The following LRIG1 variants were observed in gnomAD, a reference collection of about 807,000 sequenced individuals.
LRIG1 encodes the protein leucine rich repeats and immunoglobulin like domains 1.
Under a neutral mutation model 99.2 loss-of-function variants are expected in LRIG1, and 48 were observed. The observed-to-expected ratio is 0.48, with a 90% confidence interval of 0.38 to 0.62. The LOEUF is 0.62. Ranked by LOEUF, LRIG1 falls within the 20% of genes least tolerant of loss-of-function variation. LRIG1 has a pLI of 0.00. For synonymous variants in LRIG1, 772 were observed against 596.1 expected, an observed-to-expected ratio of 1.29 and a Z score of -4.30; for missense variants, 1,646 against 1,434.4, an observed-to-expected ratio of 1.15 and a Z score of -2.38.
chr3:66,418,195 G>T (rs770264348), intron 3 of LRIG1, among the ~76,000 whole-genome samples: 1 of 152,056 alleles, frequency 6.6e-6, no homozygotes, highest in African/African-American at 2.4e-5. Context: ...GGGTTCAAGC[G>T]ATTCTTCTGC....
chr3:66,461,002 A>G (rs1700342876), intron 2 of LRIG1, among the ~76,000 whole-genome samples: 1 of 152,252 alleles, frequency 6.6e-6, no homozygotes, highest in Admixed American at 6.5e-5. Context: ...TATGTCATCA[A>G]TAATGGAATC....
chr3:66,452,030 GA>G (rs1703921426), intron 2 of LRIG1, among the ~76,000 whole-genome samples: 1 of 152,180 alleles, frequency 6.6e-6, no homozygotes, highest in African/African-American at 2.4e-5. Flanking sequence ...AACATGTGTG[GA>G]ACAAGAGCCA....
chr3:66,453,529 A>T (rs766170355), intron 2 of LRIG1, among the ~76,000 whole-genome samples: 9 of 152,152 alleles, frequency 5.9e-5, no homozygotes, highest in Non-Finnish European at 1.0e-4. Context: ...CTATTTCTTT[A>T]TTTCAGCAAA....
At chr3:66,383,439 G>A (rs774851516) in intron 14 of LRIG1, 38 bp from the exon 15 acceptor site, 2 of 1,498,184 alleles carry the variant, frequency 1.3e-6, no homozygotes, top group Non-Finnish European at 1.8e-6. Flanking sequence ...CATTCTCAGG[G>A]CCTCCGTTGC....
chr3:66,413,258 G>A (rs771732294), intron 5 of LRIG1, among the ~76,000 whole-genome samples: 1 of 152,208 alleles, frequency 6.6e-6, no homozygotes, highest in African/African-American at 2.4e-5. Flanking sequence ...TCCACAGCCA[G>A]CTCCGAGGCT....
At chr3:66,424,164 G>A (rs1702904221) in intron 3 of LRIG1, among the ~76,000 whole-genome samples, 1 of 152,112 alleles carries the variant, frequency 6.6e-6, no homozygotes, top group Non-Finnish European at 1.5e-5. Context: ...GCAAATCCCA[G>A]ACTGCAACTT....
intron 3 of LRIG1, among the ~76,000 whole-genome samples, chr3:66,436,414 AGAT>A (rs1703359031): frequency 6.6e-6 from 1 of 152,276 alleles, no homozygotes; most frequent in South Asian, 2.1e-4. Flanking sequence ...GGCTTAGGAG[AGAT>A]GATAACAACA....
intron 9 of LRIG1, among the ~76,000 whole-genome samples, chr3:66,402,984 C>A (rs1002826357): frequency 6.6e-6 from 1 of 152,190 alleles, no homozygotes; most frequent in Admixed American, 6.5e-5. Flanking sequence ...CCAAACACAG[C>A]AGTTTTTACA....
chr3:66,386,320 A>G lies in LRIG1; in HGVS notation c.1469-19T>C, dbSNP rs1701372195. The G allele has an allele frequency of 4.4e-6, 7 of 1,607,404 alleles. 1 individual carries two copies. Among genetic ancestry groups the G allele is most frequent in the Middle Eastern group, 3.4e-4 (2 of 5,814 alleles). On this transcript the variant is annotated intron_variant, in intron 12 of 18. Coordinates refer to ENST00000273261, the MANE Select transcript of LRIG1 (RefSeq NM_015541.3). ...AAGTCATCTGGGGAGAGAAGGGTCA[A>G]CTGTAAAGCGCTGGGTTCTTGGTAC... is the stretch of plus-strand genomic sequence containing the variant.
intron 3 of LRIG1, among the ~76,000 whole-genome samples, chr3:66,427,597 C>T (rs895038209): frequency 1.3e-5 from 2 of 152,146 alleles, no homozygotes; most frequent in African/African-American, 4.8e-5. Context: ...GCCAGGAGTT[C>T]GAGACCAGCC....
At chr3:66,493,974 AAG>A (rs1320261255) in intron 1 of LRIG1, among the ~76,000 whole-genome samples, 3 of 148,216 alleles carry the variant, frequency 2.0e-5, no homozygotes, top group African/African-American at 4.9e-5. Context: ...AAAGAAAAGA[AAG>A]AGAAAAAGAG....
chr3:66,404,197 A>G (rs1019641035), intron 9 of LRIG1: 2 of 1,261,458 alleles, frequency 1.6e-6, no homozygotes, highest in African/African-American at 3.1e-5. Context: ...TTTCAAAACA[A>G]ATCAGAAGCA....
chr3:66,480,556 C>T (rs1206947537), intron 1 of LRIG1, among the ~76,000 whole-genome samples: 3 of 151,870 alleles, frequency 2.0e-5, no homozygotes, highest in African/African-American at 7.3e-5. Flanking sequence ...TTCCATACCA[C>T]AGAAATGCAG....
Position 66,415,019 on chromosome 3 carries a change from A to G in LRIG1, c.548T>C (p.Phe183Ser). The change falls in exon 5 of 19, where the codon TTT (phenylalanine) becomes TCT (serine). Residue 183 changes from phenylalanine (F) to serine (S), a missense_variant. Coordinates refer to ENST00000273261, the MANE Select transcript of LRIG1 (RefSeq NM_015541.3). ...NRIGTLELGAFDGLSRSLLTL... is the reference protein window; with the variant it reads ...NRIGTLELGASDGLSRSLLTL... Reference sequence around the variant, plus strand: ...TAGCAGCGACCGTGACAGACCATCAAATGCTCCCAACTCCAGGGTGCCAAT... The same window carrying G: ...TAGCAGCGACCGTGACAGACCATCAGATGCTCCCAACTCCAGGGTGCCAAT... The G allele has an allele frequency of 6.2e-7, 1 of 1,611,862 alleles. No homozygotes were observed. The highest frequency in any genetic ancestry group is 8.5e-7 in the Non-Finnish European group (1 of 1,179,050).
intron 10 of LRIG1, among the ~76,000 whole-genome samples, 162 bp downstream of exon 10, chr3:66,398,808 A>G (rs1467187386): frequency 6.6e-6 from 1 of 152,256 alleles, no homozygotes; most frequent in Non-Finnish European, 1.5e-5. Flanking sequence ...CATAGGCAAC[A>G]TAAAGGCCAA....
At chr3:66,477,835 C>T (rs1700757081) in intron 1 of LRIG1, among the ~76,000 whole-genome samples, 1 of 123,398 alleles carries the variant, frequency 8.1e-6, no homozygotes, top group African/African-American at 2.7e-5. Context: ...AAGCCTTCTC[C>T]AGCAACTATT....
At chr3:66,476,838 G>T (rs984530949) in intron 1 of LRIG1, among the ~76,000 whole-genome samples, 9 of 152,148 alleles carry the variant, frequency 5.9e-5, no homozygotes, top group African/African-American at 1.9e-4. Flanking sequence ...TCCTCATGAG[G>T]ACTCTGGATC....
At chr3:66,440,774 G>A (rs1703512814) in intron 3 of LRIG1, among the ~76,000 whole-genome samples, 1 of 152,176 alleles carries the variant, frequency 6.6e-6, no homozygotes, top group Non-Finnish European at 1.5e-5. Context: ...ATACTGTTTA[G>A]TTAATCCTAA....
Position 66,412,891 on chromosome 3 carries a change from TC to T in LRIG1, c.770del (p.Gly257AspfsTer16). 6.2e-7 allele frequency: 1 copy of T among 1,614,114 alleles called. No homozygotes were observed. Among genetic ancestry groups the T allele is most frequent in the Non-Finnish European group, 8.5e-7 (1 of 1,179,992 alleles). Reference protein sequence around the residue: ...ISKLTDGAFWGLSKMHVLHLE... With the variant: ...ISKLTDGAFWXLSKMHVLHLE... ...CTTACAGCACATGCATCTTGGACAGTCCCCAGAAGGCCCCATCTGTCAGTTT... is the reference window on the plus strand; with the variant it reads ...CTTACAGCACATGCATCTTGGACAGTCCCAGAAGGCCCCATCTGTCAGTTT... On this transcript the variant is annotated frameshift_variant, in exon 6 of 19. Transcript: ENST00000273261. LOFTEE classifies it high-confidence loss of function.
Sources: gnomAD v4.1 joint callset for allele counts (sites outside exome capture counted in the v4.1 genomes callset) on GRCh38, gnomAD v4.1.1 for gene constraint, MANE v1.5 for transcripts, NCBI Gene and HGNC (gene_info 2026-07-23, HGNC 2026-07-21) for gene names.